PIBF1: variants seen among roughly 807,000 people sequenced by gnomAD.
PIBF1 encodes the protein progesterone-induced-blocking factor 1.
Under a neutral mutation model 112.5 loss-of-function variants are expected in PIBF1, and 90 were observed. The ratio of observed to expected loss-of-function variants is 0.80; its 90% confidence interval spans 0.67 to 0.95. PIBF1 has a LOEUF of 0.95. PIBF1 is among the 40% of genes least tolerant of loss of function. The pLI is 0.00. For synonymous variants in PIBF1, 301 were observed against 288.6 expected (o/e 1.04, Z -0.44); for missense variants, 915 against 852.3 (o/e 1.07, Z -0.92).
chr13:72,814,435 C>CAAA (rs547722918), intron 5 of PIBF1, among the ~76,000 whole-genome samples: 5 of 73,134 alleles, frequency 6.8e-5, no homozygotes, highest in Middle Eastern at 7.5e-3. Flanking sequence ...GACTTCGTCT[C>CAAA]AAAAAAAAAA....
intron 17 of PIBF1, among the ~76,000 whole-genome samples, chr13:73,007,095 C>T (rs1211300636): frequency 1.3e-5 from 2 of 151,264 alleles, no homozygotes; most frequent in African/African-American, 2.4e-5. Flanking sequence ...GCCTATAAGC[C>T]TTATATTTAA....
At chr13:72,792,366 G>A in intron 2 of PIBF1, 81 bp from the exon 3 acceptor site, 1 of 863,164 alleles carries the variant, frequency 1.2e-6, no homozygotes, top group South Asian at 1.6e-5. Flanking sequence ...TCTTTCAAGT[G>A]TTTTTAAAAT....
At chr13:72,944,385 T>G (rs1364376050) in intron 14 of PIBF1, among the ~76,000 whole-genome samples, 2 of 150,964 alleles carry the variant, frequency 1.3e-5, no homozygotes, top group African/African-American at 4.9e-5. Flanking sequence ...AGGCAGAGGT[T>G]GTAGTGAGCT....
chr13:72,857,026 G>A (rs1419123943), intron 10 of PIBF1, among the ~76,000 whole-genome samples: 1 of 152,160 alleles, frequency 6.6e-6, no homozygotes, highest in Non-Finnish European at 1.5e-5. Context: ...TCATGAAAAT[G>A]TCAGTTTCCT....
intron 9 of PIBF1, among the ~76,000 whole-genome samples, chr13:72,844,347 TTTA>T (rs1324542872): frequency 6.6e-6 from 1 of 152,210 alleles, no homozygotes; most frequent in Non-Finnish European, 1.5e-5. Flanking sequence ...TCTGTCTTTT[TTTA>T]TTATTATACT....
chr13:72,789,375 CAG>C (rs1271356532), intron 2 of PIBF1, among the ~76,000 whole-genome samples: 2 of 151,978 alleles, frequency 1.3e-5, no homozygotes, highest in East Asian at 3.9e-4. Context: ...TTTGTAGAAA[CAG>C]GGTCTCACTA....
intron 5 of PIBF1, among the ~76,000 whole-genome samples, chr13:72,814,100 G>T (rs1392143997): frequency 6.6e-6 from 1 of 152,128 alleles, no homozygotes; most frequent in Non-Finnish European, 1.5e-5. Flanking sequence ...ACCAAGCCCA[G>T]CTCTATTTGT....
rs78531799 is a variant in PIBF1, at chr13:72,864,387, C to T, written c.1322+10232C>T. Among the ~76,000 whole-genome samples, 1,058 of 152,128 alleles carry T rather than the reference C, an allele frequency of 7.0e-3. 15 individuals are homozygous for T. The highest frequency in any genetic ancestry group is 0.025 in the African/African-American group (1,019 of 41,506). On this transcript the variant is annotated intron_variant, in intron 10 of 17. Coordinates refer to ENST00000326291, the MANE Select transcript of PIBF1 (RefSeq NM_006346.4). ...AAAAGAACTCAAGTACATGTTCTTC[C>T]GATTATTCATCAATAGCATCAAAAG...
Position 72,973,664 on chromosome 13 carries a change from AATC to A in PIBF1, c.2042_2044del (p.His681del), listed in dbSNP as rs1301568115. ...GGCATTAGATTTAGAACAACTTCTA[AATC>A]ATCGTGAGGTATTTTTCCTATTTTG... On this transcript the variant is annotated inframe_deletion, in exon 16 of 18. Transcript: ENST00000326291. The A allele has an allele frequency of 1.9e-6, 3 of 1,549,764 alleles. No homozygotes were observed. Among genetic ancestry groups the A allele is most frequent in the Non-Finnish European group, 2.7e-6 (3 of 1,131,082 alleles).
chr13:72,978,792 A>G (rs1451417710), intron 16 of PIBF1, among the ~76,000 whole-genome samples: 1 of 152,196 alleles, frequency 6.6e-6, no homozygotes, highest in Non-Finnish European at 1.5e-5. Flanking sequence ...AAATAATTAG[A>G]TATTGAAAAG....
intron 10 of PIBF1, among the ~76,000 whole-genome samples, chr13:72,874,686 G>A (rs1393160095): frequency 6.6e-6 from 1 of 152,124 alleles, no homozygotes; most frequent in Non-Finnish European, 1.5e-5. Flanking sequence ...TGAAACTTAT[G>A]AACTTGCACA....
chr13:72,933,809 T>G (rs1358458780), intron 14 of PIBF1, among the ~76,000 whole-genome samples: 1 of 152,266 alleles, frequency 6.6e-6, no homozygotes, highest in East Asian at 1.9e-4. Context: ...TGGCTTATAT[T>G]GAGAAAAAGA....
chr13:72,972,133 G>A (rs565761922), intron 15 of PIBF1, among the ~76,000 whole-genome samples: 7 of 151,454 alleles, frequency 4.6e-5, no homozygotes, highest in African/African-American at 1.2e-4. Context: ...TCCTGGGCTC[G>A]AGCGATCCTC....
chr13:72,960,574 T>C (rs966539485), intron 14 of PIBF1, among the ~76,000 whole-genome samples: 2 of 152,250 alleles, frequency 1.3e-5, no homozygotes, highest in African/African-American at 4.8e-5. Flanking sequence ...TTTAAACAGC[T>C]CATTCTAGAC....
chr13:72,862,726 T>C (rs1337868037), intron 10 of PIBF1, among the ~76,000 whole-genome samples: 1 of 152,174 alleles, frequency 6.6e-6, no homozygotes, highest in Non-Finnish European at 1.5e-5. Context: ...GAATCAGTCA[T>C]GTGAGGTCCC....
intron 5 of PIBF1, among the ~76,000 whole-genome samples, chr13:72,816,716 G>A (rs1490173337): frequency 6.7e-6 from 1 of 148,924 alleles, no homozygotes; most frequent in African/African-American, 2.5e-5. Context: ...AAAGCCTTAA[G>A]TTTTTATTTG....
intron 10 of PIBF1, among the ~76,000 whole-genome samples, chr13:72,861,043 C>T (rs2038673183): frequency 6.6e-6 from 1 of 152,142 alleles, no homozygotes; most frequent in African/African-American, 2.4e-5. Flanking sequence ...TGGGCTACTA[C>T]ATAGAATACT....
intron 5 of PIBF1, among the ~76,000 whole-genome samples, chr13:72,798,437 A>G (rs558273900): frequency 6.6e-6 from 1 of 152,284 alleles, no homozygotes; most frequent in East Asian, 1.9e-4. Context: ...TATGCAGGGG[A>G]TCTCTTGCAG....
intron 10 of PIBF1, among the ~76,000 whole-genome samples, chr13:72,862,763 C>T (rs2038751002): frequency 6.6e-6 from 1 of 152,032 alleles, no homozygotes; most frequent in Non-Finnish European, 1.5e-5. Context: ...ATAAGGCCTT[C>T]CTGAAAAACC....
Sources: gnomAD v4.1 joint callset for allele counts (sites outside exome capture counted in the v4.1 genomes callset) on GRCh38, gnomAD v4.1.1 for gene constraint, MANE v1.5 for transcripts, NCBI Gene and HGNC (gene_info 2026-07-23, HGNC 2026-07-21) for gene names.